The following UBE3D variants were observed in gnomAD, a reference collection of about 807,000 sequenced individuals.
The protein encoded by UBE3D is E3 ubiquitin-protein ligase E3D.
Under a neutral mutation model 49.6 loss-of-function variants are expected in UBE3D, and 48 were observed. The observed-to-expected ratio is 0.97, with a 90% CI of 0.77 to 1.23. UBE3D has a LOEUF of 1.23. UBE3D is among the 50% of genes most tolerant of loss of function. The pLI is 0.00. For synonymous variants in UBE3D, 189 were observed against 174.2 expected (o/e 1.08, Z -0.67); for missense variants, 452 against 468.4 (o/e 0.96, Z 0.32).
chr6:83,060,002 T>C (rs771582738), intron 1 of UBE3D, among the ~76,000 whole-genome samples: 1 of 152,182 alleles, frequency 6.6e-6, no homozygotes, highest in African/African-American at 2.4e-5. Flanking sequence ...ACAACAGACA[T>C]GGCAGAGTAA....
intron 8 of UBE3D, among the ~76,000 whole-genome samples, chr6:82,973,829 C>T (rs2127709647): frequency 6.6e-6 from 1 of 152,308 alleles, no homozygotes; most frequent in East Asian, 1.9e-4. Context: ...TACATTACTG[C>T]CCAAGCTCTG....
In UBE3D at chr6:82,893,038, GC is replaced by G. The variant is rs752599825; in HGVS notation, c.1153del (p.Ala385ProfsTer3). 84 of 1,613,338 alleles carry G rather than the reference GC, an allele frequency of 5.2e-5. No individual in the cohort carries two copies. Among genetic ancestry groups the G allele is most frequent in the Non-Finnish European group, 6.7e-5 (79 of 1,179,784 alleles). The part of the protein sequence containing the change: ...SLRRVNSFQV[A>X]FLKM Reference sequence around the variant, plus strand: ...CTCTAATAGTTACATCTTCAAAAAGGCCACCTGGAGAAGGAAGAAAAACCCA... The same window carrying G: ...CTCTAATAGTTACATCTTCAAAAAGGCACCTGGAGAAGGAAGAAAAACCCA... On this transcript the variant is annotated frameshift_variant, in exon 10 of 10. Transcript: ENST00000369747. LOFTEE classifies it high-confidence loss of function.
intron 5 of UBE3D, among the ~76,000 whole-genome samples, chr6:83,033,064 G>A (rs117465651): frequency 6.6e-6 from 1 of 152,282 alleles, no homozygotes; most frequent in East Asian, 1.9e-4. Context: ...CAAGCCTCCA[G>A]CATTTGCTTG....
At chr6:82,995,779 C>T (rs1280053253) in intron 8 of UBE3D, among the ~76,000 whole-genome samples, 1 of 151,992 alleles carries the variant, frequency 6.6e-6, no homozygotes, top group Non-Finnish European at 1.5e-5. Flanking sequence ...CCTTTAAAAA[C>T]ATCAGTAGGG....
chr6:82,930,799 T>G (rs769171684), intron 9 of UBE3D, among the ~76,000 whole-genome samples: 5 of 152,266 alleles, frequency 3.3e-5, no homozygotes, highest in African/African-American at 1.2e-4. Context: ...TTTAAAAAAT[T>G]TGCAGCCTGA....
At chr6:82,895,446 G>A (rs1255134965) in intron 9 of UBE3D, among the ~76,000 whole-genome samples, 1 of 152,134 alleles carries the variant, frequency 6.6e-6, no homozygotes, top group African/African-American at 2.4e-5. Flanking sequence ...TAACTGGGAG[G>A]GGGTGCTACT....
At chr6:82,972,564 T>A (rs1777430556) in intron 8 of UBE3D, among the ~76,000 whole-genome samples, 1 of 152,240 alleles carries the variant, frequency 6.6e-6, no homozygotes, top group Non-Finnish European at 1.5e-5. Context: ...AGAGTTGATT[T>A]TAAGTCTGCT....
intron 5 of UBE3D, among the ~76,000 whole-genome samples, chr6:83,025,282 A>G (rs1023822570): frequency 1.3e-5 from 2 of 152,164 alleles, no homozygotes; most frequent in Admixed American, 6.5e-5. Flanking sequence ...TTGATATACA[A>G]TTCTCACTAA....
At chr6:82,886,049 GT>G in the UBE3D span, among the ~76,000 whole-genome samples, 15 of 152,168 alleles carry the variant, frequency 9.9e-5, no homozygotes, top group African/African-American at 3.6e-4. Flanking sequence ...TCTCTTGTGT[GT>G]TTTTTCTCAC....
At chr6:83,011,677 C>G (rs966773515) in intron 8 of UBE3D, among the ~76,000 whole-genome samples, 3 of 152,126 alleles carry the variant, frequency 2.0e-5, no homozygotes, top group African/African-American at 7.2e-5. Context: ...AGGAGGAGTC[C>G]AAAGTGTCCA....
intron 8 of UBE3D, among the ~76,000 whole-genome samples, chr6:82,973,647 T>C (rs948339363): frequency 6.6e-6 from 1 of 152,132 alleles, no homozygotes; most frequent in Non-Finnish European, 1.5e-5. Flanking sequence ...ATTCTGTTCA[T>C]TTTGAAGAGG....
At chr6:83,038,681 C>T (rs1782440258) in intron 4 of UBE3D, among the ~76,000 whole-genome samples, 196 bp from the exon 5 acceptor site, 2 of 152,170 alleles carry the variant, frequency 1.3e-5, no homozygotes, top group Admixed American at 1.3e-4. Context: ...GAAACAGTAA[C>T]ACACAGATTC....
intron 8 of UBE3D, among the ~76,000 whole-genome samples, chr6:82,977,837 T>A (rs1428764875): frequency 1.3e-5 from 2 of 152,020 alleles, no homozygotes; most frequent in Admixed American, 6.6e-5. Flanking sequence ...AAACTCCGTC[T>A]CAAAAAACAA....
chr6:83,034,247 C>T (rs911455383), intron 5 of UBE3D, among the ~76,000 whole-genome samples: 2 of 152,036 alleles, frequency 1.3e-5, no homozygotes, highest in African/African-American at 2.4e-5. Context: ...CAAACTCACA[C>T]ATATTGACCT....
Position 83,065,839 on chromosome 6 carries a change from T to C in UBE3D, c.-121A>G, listed in dbSNP as rs1178502158. 15 of 1,037,690 alleles carry C rather than the reference T, an allele frequency of 1.4e-5. No homozygotes were observed. The highest frequency in any genetic ancestry group is 2.1e-5 in the Non-Finnish European group (15 of 716,836). The allele number at this position is 1,037,690 out of a possible 1,614,324, so 64.3% of individuals were successfully genotyped here. On this transcript the variant is annotated 5_prime_UTR_variant, in exon 1 of 10. Coordinates refer to ENST00000369747, the MANE Select transcript of UBE3D (RefSeq NM_198920.3). ...GCAGCCCCGCTGCGGCGCAGGCGCC[T>C]GTGCCAGATCGCAGGGCTGGCGCCG...
At position 83,054,317 on chromosome 6, in the gene UBE3D, G is replaced by A. The variant is rs1297435145; in HGVS notation, c.275-79C>T. The A allele has an allele frequency of 2.4e-5, 25 of 1,045,446 alleles. No individual in the cohort carries two copies. In the Admixed American group the frequency reaches 2.8e-4, roughly 12 times the overall value. 64.8% of individuals were successfully genotyped at this position (1,045,446 alleles called of 1,614,324 possible). A position where few individuals can be genotyped will look rare whatever the true frequency, so the allele number is the denominator to read the frequency against. On this transcript the variant is annotated intron_variant, in intron 2 of 9. Coordinates refer to ENST00000369747, the MANE Select transcript of UBE3D (RefSeq NM_198920.3). Reference sequence around the variant, plus strand: ...CATACTTAAACAGTTCAATAGCCACGATAAATTACCATCCATAAACAGTTT... The same window carrying A: ...CATACTTAAACAGTTCAATAGCCACAATAAATTACCATCCATAAACAGTTT...
intron 9 of UBE3D, among the ~76,000 whole-genome samples, chr6:82,907,566 C>A (rs1476103043): frequency 1.3e-5 from 2 of 152,038 alleles, no homozygotes; most frequent in Admixed American, 6.6e-5. Context: ...TAAAACAGAT[C>A]CTTCACAAGA....
At chr6:82,960,832 T>C (rs1187987297) in intron 8 of UBE3D, among the ~76,000 whole-genome samples, 1 of 152,128 alleles carries the variant, frequency 6.6e-6, no homozygotes, top group Non-Finnish European at 1.5e-5. Flanking sequence ...TTCAATTTCC[T>C]CACTGACATT....
chr6:82,992,304 C>A (rs1273478567), intron 8 of UBE3D, among the ~76,000 whole-genome samples: 2 of 147,950 alleles, frequency 1.4e-5, no homozygotes, highest in Admixed American at 6.9e-5. Context: ...CTCACTGCAA[C>A]CTCTGCCTCC....
Sources: allele counts gnomAD v4.1 joint callset (sites outside exome capture counted in the v4.1 genomes callset), GRCh38; gene constraint gnomAD v4.1.1; transcripts MANE v1.5; gene names NCBI Gene and HGNC (gene_info 2026-07-23, HGNC 2026-07-21).